The following CFAP47 variants were observed in gnomAD, a reference collection of about 807,000 sequenced individuals.
The protein encoded by CFAP47 is cilia and flagella associated protein 47, also known as cilia- and flagella-associated protein 47.
A neutral mutation model predicts 148.1 loss-of-function variants in CFAP47; 29 were observed. The ratio of observed to expected loss-of-function variants is 0.20; its 90% CI spans 0.15 to 0.27. The LOEUF is 0.27. CFAP47 is among the 10% of genes least tolerant of loss of function. The pLI is 1.00. For synonymous variants in CFAP47, 664 were observed against 577.3 expected, an observed-to-expected ratio of 1.15 and a Z score of -2.15; for missense variants, 1,872 against 1,697.5, an observed-to-expected ratio of 1.10 and a Z score of -1.81.
At chrX:35,966,204 A>C (rs1380110066) in intron 8 of CFAP47, among the ~76,000 whole-genome samples, 1 of 111,219 alleles carries the variant, frequency 9.0e-6, no homozygotes, top group Admixed American at 9.4e-5. Flanking sequence ...TATTTAAGAA[A>C]TATTAGCTGC....
chrX:36,192,008 C>A (rs1169990366), intron 42 of CFAP47, among the ~76,000 whole-genome samples: 2 of 110,627 alleles, frequency 1.8e-5, no homozygotes, highest in East Asian at 2.9e-4. Flanking sequence ...ACAACAAAAA[C>A]CACCTATCGA....
chrX:35,967,592 A>C, intron 9 of CFAP47, 27 bp from the exon 10 acceptor site: 1 of 1,094,984 alleles, frequency 9.1e-7, no homozygotes, highest in Non-Finnish European at 1.3e-6. Context: ...AATACCATCT[A>C]TAAACTTATA....
chrX:36,251,533 T>C (rs782319825), intron 49 of CFAP47, 89 bp downstream of exon 49: 164 of 376,896 alleles, frequency 4.4e-4, no homozygotes, highest in African/African-American at 4.1e-3. Flanking sequence ...AATTTGTATT[T>C]CCACTTTCTA....
At chrX:35,945,318 A>G (rs1257773624) in intron 3 of CFAP47, among the ~76,000 whole-genome samples, 1 of 110,796 alleles carries the variant, frequency 9.0e-6, no homozygotes, top group East Asian at 2.8e-4. Flanking sequence ...TCTTTCCTAG[A>G]CTGGTGTTTC....
At chrX:36,246,124 A>G (rs1602067263) in intron 48 of CFAP47, among the ~76,000 whole-genome samples, 1 of 111,938 alleles carries the variant, frequency 8.9e-6, no homozygotes, top group Middle Eastern at 4.6e-3. Context: ...AACAAAACAA[A>G]GACATCCTAC....
intron 11 of CFAP47, among the ~76,000 whole-genome samples, chrX:35,971,286 C>G (rs1372881981): frequency 1.8e-5 from 2 of 111,881 alleles, no homozygotes; most frequent in Non-Finnish European, 3.8e-5. Flanking sequence ...TCTCTTGAGA[C>G]TAAATTTTAC....
intron 22 of CFAP47, among the ~76,000 whole-genome samples, chrX:36,031,038 TA>T (rs1937272984): frequency 9.0e-6 from 1 of 110,693 alleles, no homozygotes; most frequent in African/African-American, 3.3e-5. Flanking sequence ...TCATTACCAT[TA>T]AAAAAATTCC....
At chrX:36,259,021 T>C (rs924713469) in intron 49 of CFAP47, among the ~76,000 whole-genome samples, 2 of 111,760 alleles carry the variant, frequency 1.8e-5, no homozygotes, top group Admixed American at 1.9e-4. Context: ...TTGTGAAATA[T>C]AGATAATATT....
In CFAP47 at chrX:35,994,595, A is replaced by G. The variant is rs986948679; in HGVS notation, c.3099+1274A>G. Among the ~76,000 whole-genome samples, 31 of 111,703 alleles carry G rather than the reference A, an allele frequency of 2.8e-4. 1 individual carries two copies. Among genetic ancestry groups the G allele is most frequent in the Admixed American group, 7.6e-4 (8 of 10,501 alleles). On this transcript the variant is annotated intron_variant, in intron 18 of 63. Transcript: ENST00000378653. ...CACTTAAGAATGATATCTTATTTTC[A>G]TAAATAAATGTGTTGAAAATGTTTA...
At position 36,382,170 on chromosome X, in the gene CFAP47, G is replaced by T. The variant is rs962636539; in HGVS notation, c.9355-2627G>T. ...TAGGGAAGGGGAAGAAATCGATAAA[G>T]GGTACTTTATCCAGGCATCTGCCAC... On this transcript the variant is annotated intron_variant, in intron 63 of 63. Transcript: ENST00000378653. Among the ~76,000 whole-genome samples the T allele has an allele frequency of 2.7e-5, 3 of 111,569 alleles. No individual in the cohort carries two copies. The Admixed American group carries it at 2.9e-4, about 11-fold the overall frequency.
rs782609352 is a variant in CFAP47, at chrX:36,295,853, A to G, written c.7687-3124A>G. ...ATGTAATTTAGAAATCATTTTTGTAATATTATAGTTACATTTGAGATACTT... is the reference window on the plus strand; with the variant it reads ...ATGTAATTTAGAAATCATTTTTGTAGTATTATAGTTACATTTGAGATACTT... On this transcript the variant is annotated intron_variant, in intron 51 of 63. Coordinates refer to ENST00000378653, the MANE Select transcript of CFAP47 (RefSeq NM_001304548.2). Among the ~76,000 whole-genome samples, 153 of 112,080 alleles carry G rather than the reference A, an allele frequency of 1.4e-3. 1 individual carries two copies. The highest frequency in any genetic ancestry group is 4.7e-3 in the African/African-American group (145 of 31,013).
intron 30 of CFAP47, among the ~76,000 whole-genome samples, chrX:36,089,324 G>A (rs1435442985): frequency 2.7e-5 from 3 of 110,026 alleles, no homozygotes; most frequent in South Asian, 3.9e-4. Context: ...AGCCAAGATC[G>A]CACCACTGTA....
chrX:36,015,453 T>G lies in CFAP47; in HGVS notation c.3556+541T>G, dbSNP rs1465806000. Among the ~76,000 whole-genome samples the G allele has an allele frequency of 3.6e-5, 4 of 111,345 alleles. No homozygotes were observed. The East Asian group carries it at 1.1e-3, about 31-fold the overall frequency. ...TTTGCAAGTTGGCTTTGCTTTCAAT[T>G]ATATATGTATATTTTTCATGAAAAG... On this transcript the variant is annotated intron_variant, in intron 22 of 63. Transcript: ENST00000378653.
At chrX:36,019,098 G>T (rs1937129298) in intron 22 of CFAP47, among the ~76,000 whole-genome samples, 1 of 111,352 alleles carries the variant, frequency 9.0e-6, no homozygotes, top group African/African-American at 3.3e-5. Context: ...AGTTGTGGGG[G>T]GGTCTGTCCC....
intron 48 of CFAP47, among the ~76,000 whole-genome samples, chrX:36,240,018 C>T (rs1299633846): frequency 8.9e-6 from 1 of 111,770 alleles, no homozygotes; most frequent in African/African-American, 3.3e-5. Flanking sequence ...CTAAATAGAG[C>T]TTCAGTGGGC....
intron 30 of CFAP47, among the ~76,000 whole-genome samples, chrX:36,086,618 T>A (rs1186513319): frequency 9.0e-6 from 1 of 111,618 alleles, no homozygotes; most frequent in East Asian, 2.8e-4. Context: ...GATTTTTGAG[T>A]CCCTAGTGAT....
chrX:35,970,807 T>A lies in CFAP47; in HGVS notation c.1854T>A (p.Asn618Lys). 8.4e-7 allele frequency: 1 copy of A among 1,185,403 alleles called. No individual in the cohort carries two copies. The highest frequency in any genetic ancestry group is 1.1e-6 in the Non-Finnish European group (1 of 882,210). The change falls in exon 11 of 64, where the codon AAT becomes AAA. Residue 618 changes from asparagine to lysine, a missense_variant. Transcript: ENST00000378653. ...FTKVPRFNYVNHDFAYTTFEK... is the reference protein window; with the variant it reads ...FTKVPRFNYVKHDFAYTTFEK... ...AAGTTCCAAGATTTAACTATGTGAA[T>A]CATGATTTTGCATATACTACATTTG... is the stretch of plus-strand genomic sequence containing the variant.
chrX:36,158,230 G>A (rs1210280073), intron 37 of CFAP47, among the ~76,000 whole-genome samples: 1 of 111,832 alleles, frequency 8.9e-6, no homozygotes, highest in East Asian at 2.8e-4. Context: ...ACAATAGGTA[G>A]TAGTTGGTAC....
chrX:36,122,475 C>T (rs924911995), intron 33 of CFAP47, among the ~76,000 whole-genome samples: 2 of 111,080 alleles, frequency 1.8e-5, no homozygotes, highest in Non-Finnish European at 3.8e-5. Flanking sequence ...GTTTTGTAGA[C>T]ATGCTACTTT....
Sources: allele counts gnomAD v4.1 joint callset (sites outside exome capture counted in the v4.1 genomes callset), GRCh38; gene constraint gnomAD v4.1.1; transcripts MANE v1.5; gene names NCBI Gene and HGNC (gene_info 2026-07-23, HGNC 2026-07-21).